Variants in DLC1 observed in about 807,000 individuals in gnomAD.
DLC1 encodes the protein DLC1 Rho GTPase activating protein.
A neutral mutation model predicts 140.3 loss-of-function variants in DLC1; 54 were observed. The observed-to-expected ratio is 0.38, with a 90% confidence interval of 0.31 to 0.48. The LOEUF is 0.48. Ranked by LOEUF, DLC1 falls within the 20% of genes least tolerant of loss-of-function variation. The probability of loss-of-function intolerance (pLI) is 0.96; values close to 1 mark genes in which losing one functional copy is unlikely to be tolerated. For missense variants in DLC1, 2,536 were observed against 1,907.0 expected, an observed-to-expected ratio of 1.33 and a Z score of -6.14; for synonymous variants, 986 against 728.1, an observed-to-expected ratio of 1.35 and a Z score of -5.70.
At chr8:13,395,125 CTTT>C (rs58892759) in intron 3 of DLC1, among the ~76,000 whole-genome samples, 19,220 of 144,404 alleles carry the variant, frequency 0.13, 1,570 homozygotes, top group Non-Finnish European at 0.19. Context: ...CTTTATAATT[CTTT>C]TTTTTTTTTT....
At chr8:13,189,689 C>T (rs961007747) in intron 5 of DLC1, among the ~76,000 whole-genome samples, 1 of 152,120 alleles carries the variant, frequency 6.6e-6, no homozygotes, top group East Asian at 1.9e-4. Flanking sequence ...TTGAGACCAT[C>T]CTGGCAAACA....
At chr8:13,188,801 G>GTGTGTGTGTGTATATA (rs1293675412) in intron 5 of DLC1, among the ~76,000 whole-genome samples, 1 of 71,884 alleles carries the variant, frequency 1.4e-5, no homozygotes, top group African/African-American at 6.6e-5. Flanking sequence ...GTGTGTGTGT[G>GTGTGTGTGTGTATATA]TATATATATA....
chr8:13,591,348 G>T (rs997201281), intron 1 of DLC1, among the ~76,000 whole-genome samples: 2 of 152,020 alleles, frequency 1.3e-5, no homozygotes, highest in African/African-American at 4.8e-5. Context: ...GGGGGCAGTT[G>T]CCCTCAAGAT....
chr8:13,261,098 A>G (rs1830453335), intron 5 of DLC1, among the ~76,000 whole-genome samples: 1 of 152,210 alleles, frequency 6.6e-6, no homozygotes, highest in African/African-American at 2.4e-5. Flanking sequence ...CTGGCCTCAC[A>G]GGGGAACTTA....
intron 5 of DLC1, among the ~76,000 whole-genome samples, chr8:13,125,612 T>C (rs1821484601): frequency 6.6e-6 from 1 of 152,132 alleles, no homozygotes; most frequent in Admixed American, 6.5e-5. Context: ...GCTACCCAGC[T>C]CTCATCCCCA....
chr8:13,548,366 G>A, intron 1 of DLC1, among the ~76,000 whole-genome samples: 1 of 29,802 alleles, frequency 3.4e-5, no homozygotes, highest in South Asian at 2.9e-3. Flanking sequence ...TCATTGCTGT[G>A]TACTACACAC....
chr8:13,562,233 A>T (rs561284303), intron 1 of DLC1, among the ~76,000 whole-genome samples: 14 of 152,316 alleles, frequency 9.2e-5, no homozygotes, highest in South Asian at 8.3e-4. Flanking sequence ...GATACATTTG[A>T]TATATGAGAG....
chr8:13,551,075 C>CACACA (rs71207163), intron 1 of DLC1, among the ~76,000 whole-genome samples: 3 of 121,718 alleles, frequency 2.5e-5, no homozygotes, highest in African/African-American at 9.1e-5. Flanking sequence ...CACACACACA[C>CACACA]TTTTTTTTTT....
rs773864382 is a variant in DLC1 at position 13,498,987 on chromosome 8, CT to C, written c.1023+61del. 2.0e-6 allele frequency: 3 copies of C among 1,502,820 alleles called. No individual in the cohort carries two copies. The South Asian group carries it at 4.2e-5, about 21-fold the overall frequency. The allele number at this position is 1,502,820 out of a possible 1,614,324, so 93.1% of individuals were successfully genotyped here. On this transcript the variant is annotated intron_variant, in intron 2 of 17. Transcript: ENST00000276297. ...CTTTTTAATCCAAGCAAAATGATAA[CT>C]GATAAATCCAAGGATATTTACAAAA...
At chr8:13,393,844 A>G in intron 3 of DLC1, 151 bp from the exon 4 acceptor site, 2 of 876,472 alleles carry the variant, frequency 2.3e-6, no homozygotes, top group South Asian at 3.5e-5. Context: ...CGTGTCACAC[A>G]TAATCATGCA....
chr8:13,281,301 T>A (rs1831357937), intron 5 of DLC1, among the ~76,000 whole-genome samples: 1 of 152,232 alleles, frequency 6.6e-6, no homozygotes, highest in South Asian at 2.1e-4. Flanking sequence ...CTCTATGAAA[T>A]GTTCTTGACC....
intron 2 of DLC1, among the ~76,000 whole-genome samples, chr8:13,456,934 G>C (rs1201440657): frequency 6.6e-6 from 1 of 152,210 alleles, no homozygotes; most frequent in Non-Finnish European, 1.5e-5. Flanking sequence ...GGTTATCAAT[G>C]TGGTCAAATG....
intron 1 of DLC1, among the ~76,000 whole-genome samples, chr8:13,561,286 C>T (rs1804234118): frequency 6.6e-6 from 1 of 151,974 alleles, no homozygotes; most frequent in Non-Finnish European, 1.5e-5. Flanking sequence ...TAAGCAACTA[C>T]AGCCATGCAA....
At chr8:13,602,865 T>C (rs1805934008) in intron 1 of DLC1, among the ~76,000 whole-genome samples, 1 of 151,982 alleles carries the variant, frequency 6.6e-6, no homozygotes, top group Admixed American at 6.6e-5. Context: ...TTTATTGAGA[T>C]GAAAGTATCT....
intron 5 of DLC1, among the ~76,000 whole-genome samples, chr8:13,249,671 A>C (rs1270909448): frequency 6.6e-6 from 1 of 152,140 alleles, no homozygotes; most frequent in Non-Finnish European, 1.5e-5. Flanking sequence ...CTTTTACAGC[A>C]ACGTTCCCTC....
chr8:13,349,434 A>T lies in DLC1; in HGVS notation c.1314+44119T>A, dbSNP rs554958853. 3.0e-3 allele frequency among the ~76,000 whole-genome samples: 457 copies of T among 152,312 alleles called. 5 individuals carry two copies. The highest frequency in any genetic ancestry group is 5.2e-3 in the Non-Finnish European group (353 of 68,028). ...ACGGAATACATAAAGTAAAAAATGGAAGCAAAGGTAACAGGAAGACACAGA... is the reference window on the plus strand; with the variant it reads ...ACGGAATACATAAAGTAAAAAATGGTAGCAAAGGTAACAGGAAGACACAGA... On this transcript the variant is annotated intron_variant, in intron 4 of 17. Coordinates refer to ENST00000276297, the MANE Select transcript of DLC1 (RefSeq NM_182643.3).
At chr8:13,312,097 C>G (rs954293870) in intron 4 of DLC1, among the ~76,000 whole-genome samples, 4 of 130,556 alleles carry the variant, frequency 3.1e-5, no homozygotes, top group African/African-American at 1.2e-4. Context: ...CGCGGTGGCT[C>G]ACGCCTGTAA....
chr8:13,569,516 T>C (rs1260625721), intron 1 of DLC1, among the ~76,000 whole-genome samples: 3 of 152,192 alleles, frequency 2.0e-5, no homozygotes, highest in African/African-American at 7.2e-5. Context: ...TTTTACATAA[T>C]CAAAATTCTG....
At chr8:13,474,575 A>C (rs1800359915) in intron 2 of DLC1, among the ~76,000 whole-genome samples, 1 of 152,172 alleles carries the variant, frequency 6.6e-6, no homozygotes, top group Non-Finnish European at 1.5e-5. Context: ...AGCTGCACTC[A>C]ACACCAGCCC....
Sources: gnomAD v4.1 joint callset for allele counts (sites outside exome capture counted in the v4.1 genomes callset) on GRCh38, gnomAD v4.1.1 for gene constraint, MANE v1.5 for transcripts, NCBI Gene and HGNC (gene_info 2026-07-23, HGNC 2026-07-21) for gene names.